Variants in LIMD1 observed in about 807,000 individuals in gnomAD.
LIMD1 encodes LIM domain-containing protein 1.
LIMD1 carries 23 observed loss-of-function variants against 58.4 expected under a neutral mutation model. The ratio of observed to expected loss-of-function variants is 0.39; its 90% CI spans 0.28 to 0.56. LIMD1 has a LOEUF of 0.56. LIMD1 is among the 20% of genes least tolerant of loss of function. The probability of loss-of-function intolerance (pLI) is 0.57; values close to 1 mark genes in which losing one functional copy is unlikely to be tolerated. For missense variants in LIMD1, 838 were observed against 855.5 expected (o/e 0.98, Z 0.25); for synonymous variants, 334 against 345.5 (o/e 0.97, Z 0.37).
chr3:45,627,842 T>C (rs1361520859), intron 1 of LIMD1, among the ~76,000 whole-genome samples: 3 of 151,408 alleles, frequency 2.0e-5, no homozygotes, highest in Non-Finnish European at 4.4e-5. Context: ...ACACCATCTC[T>C]ACTGAAAATA....
At chr3:45,605,943 T>C (rs1701464160) in intron 1 of LIMD1, among the ~76,000 whole-genome samples, 1 of 152,154 alleles carries the variant, frequency 6.6e-6, no homozygotes, top group African/African-American at 2.4e-5. Flanking sequence ...CCCTTCTTTG[T>C]CCCAGTGCCC....
chr3:45,648,084 C>G (rs982475443), intron 2 of LIMD1, among the ~76,000 whole-genome samples: 5 of 85,886 alleles, frequency 5.8e-5, no homozygotes, highest in Admixed American at 5.6e-4. Context: ...TCTATCTCCC[C>G]CTAGGTGATC....
chr3:45,595,554 T>G lies in LIMD1; in HGVS notation c.675T>G (p.His225Gln). 1 of 1,613,862 alleles carries G rather than the reference T, an allele frequency of 6.2e-7. No homozygotes were observed. The highest frequency in any genetic ancestry group is 8.5e-7 in the Non-Finnish European group (1 of 1,179,986). Residue 225 changes from histidine to glutamine, a missense_variant, in exon 1 of 8, where the codon CAT (histidine) becomes CAG (glutamine). Transcript: ENST00000273317. The part of the protein sequence containing the change: ...DPPLPKPCGD[H>Q]PLNHRQLSLS... ...CACTGCCCAAACCCTGCGGGGACCA[T>G]CCCCTAAATCACCGACAGCTCTCCC...
chr3:45,647,900 TA>T (rs145746518), intron 2 of LIMD1, among the ~76,000 whole-genome samples: 4,708 of 152,244 alleles, frequency 0.031, 221 homozygotes, highest in African/African-American at 0.11. Flanking sequence ...TCTACCCCTG[TA>T]CCTTGTCACC....
chr3:45,594,778 AACACACACACACACACACACACACAC>A lies in LIMD1; in HGVS notation c.-61_-36del, dbSNP rs57091993. On this transcript the variant is annotated 5_prime_UTR_variant, in exon 1 of 8. Coordinates refer to ENST00000273317, the MANE Select transcript of LIMD1 (RefSeq NM_014240.3). ...TCGCCAGCATCTCCCCGCTGCCCTC[AACACACACACACACACACACACACAC>A]ACACACACACACACACACACACACA... 0.095 allele frequency: 69,136 copies of A among 724,620 alleles called. 1,704 individuals are homozygous for A. The highest frequency in any genetic ancestry group is 0.13 in the East Asian group (4,746 of 35,372). 44.9% of individuals were successfully genotyped at this position (724,620 alleles called of 1,614,324 possible).
chr3:45,660,656 T>C (rs1394399686), intron 2 of LIMD1, among the ~76,000 whole-genome samples: 1 of 152,052 alleles, frequency 6.6e-6, no homozygotes, highest in Non-Finnish European at 1.5e-5. Flanking sequence ...TCTCAAGTGG[T>C]CCAACAGCCT....
At chr3:45,656,524 T>C (rs1035347374) in intron 2 of LIMD1, among the ~76,000 whole-genome samples, 1 of 151,610 alleles carries the variant, frequency 6.6e-6, no homozygotes, top group South Asian at 2.1e-4. Flanking sequence ...TCTTTTTCTT[T>C]CTTTTTTTTT....
Position 45,623,985 on chromosome 3 carries a change from G to C in LIMD1, c.1409-12165G>C, listed in dbSNP as rs139791621. The stretch of plus-strand genomic sequence containing the variant: ...CCTGGAGATCTTTTGTGAGCTTTTA[G>C]AGTGGCTGGGGGAAGACTGTTGCTG... On this transcript the variant is annotated intron_variant, in intron 1 of 7. Coordinates refer to ENST00000273317, the MANE Select transcript of LIMD1 (RefSeq NM_014240.3). 3.3e-5 allele frequency among the ~76,000 whole-genome samples: 5 copies of C among 152,318 alleles called. No individual in the cohort carries two copies. The East Asian group carries it at 9.6e-4, about 29-fold the overall frequency.
chr3:45,645,949 G>A lies in LIMD1; in HGVS notation c.1510+9698G>A, dbSNP rs147937532. Among the ~76,000 whole-genome samples the A allele has an allele frequency of 5.8e-3, 871 of 151,472 alleles. 7 individuals are homozygous for A. Among genetic ancestry groups the A allele is most frequent in the African/African-American group, 0.02 (817 of 41,202 alleles). On this transcript the variant is annotated intron_variant, in intron 2 of 7. Transcript: ENST00000273317. ...AGTGTAATACAAGCTGCTGTCTGTG[G>A]AGCATTTATTGCATTTATTGCAGTG...
At chr3:45,655,830 G>C (rs1369029171) in intron 2 of LIMD1, among the ~76,000 whole-genome samples, 2 of 152,208 alleles carry the variant, frequency 1.3e-5, no homozygotes, top group African/African-American at 4.8e-5. Context: ...GCCATAACAA[G>C]TCAGTGAGGA....
At position 45,674,359 on chromosome 3, in the gene LIMD1, T is replaced by C; in HGVS notation, c.1841T>C (p.Ile614Thr). Residue 614 changes from isoleucine (I) to threonine (T), a missense_variant, in exon 7 of 8, where the codon ATC becomes ACC. Physicochemically the swap from Ile to Thr is moderately conservative, Grantham distance 89. This residue lies in a region of LIMD1 where 174 missense variants were observed against 197.4 expected (regional missense o/e 0.88). Transcript: ENST00000273317. ...TGGTCCCAGGGCTCAGATGAGACCA[T>C]CCGTGTCGTGTCCATGGACAGAGAC... The part of the protein sequence containing the change: ...ILPPEGSDET[I>T]RVVSMDRDYH... The C allele has an allele frequency of 3.7e-6, 6 of 1,613,812 alleles. No homozygotes were observed. The highest frequency in any genetic ancestry group is 5.1e-6 in the Non-Finnish European group (6 of 1,179,864).
chr3:45,678,642 T>C lies in LIMD1; in HGVS notation c.*1583T>C, dbSNP rs1697701887. 3 of 152,388 alleles carry C rather than the reference T, an allele frequency of 2.0e-5. No individual in the cohort carries two copies. The South Asian group carries it at 6.2e-4, about 32-fold the overall frequency. 9.4% of individuals were successfully genotyped at this position (152,388 alleles called of 1,614,324 possible). A position where few individuals can be genotyped will look rare whatever the true frequency, so the allele number is the denominator to read the frequency against. Reference sequence around the variant, plus strand: ...GGCCGGGGACACAGGAGCCGGTGTGTGCACTCTGCCTCCTCACCTTGCACC... The same window carrying C: ...GGCCGGGGACACAGGAGCCGGTGTGCGCACTCTGCCTCCTCACCTTGCACC... On this transcript the variant is annotated 3_prime_UTR_variant, in exon 8 of 8. Coordinates refer to ENST00000273317, the MANE Select transcript of LIMD1 (RefSeq NM_014240.3).
chr3:45,670,133 T>C (rs1295359479), intron 4 of LIMD1, among the ~76,000 whole-genome samples: 2 of 152,214 alleles, frequency 1.3e-5, no homozygotes, highest in Non-Finnish European at 2.9e-5. Context: ...TGCTTACCTC[T>C]CCTTCCCAGG....
intron 2 of LIMD1, among the ~76,000 whole-genome samples, chr3:45,652,836 C>T (rs1340094157): frequency 6.6e-6 from 1 of 152,208 alleles, no homozygotes; most frequent in Non-Finnish European, 1.5e-5. Flanking sequence ...TGGGTTGTCT[C>T]TGTGTGCAGT....
At chr3:45,665,336 T>C (rs1389133122) in intron 2 of LIMD1, among the ~76,000 whole-genome samples, 3 of 152,000 alleles carry the variant, frequency 2.0e-5, no homozygotes, top group Non-Finnish European at 4.4e-5. Flanking sequence ...TCTGCTGTCC[T>C]GCCACCAAAT....
intron 1 of LIMD1, among the ~76,000 whole-genome samples, chr3:45,613,686 TG>T (rs1248038549): frequency 6.6e-6 from 1 of 151,862 alleles, no homozygotes; most frequent in Non-Finnish European, 1.5e-5. Flanking sequence ...TTTGTAAATA[TG>T]GGATCTCGCT....
intron 2 of LIMD1, among the ~76,000 whole-genome samples, chr3:45,655,200 A>C (rs1162465866): frequency 6.6e-6 from 1 of 152,192 alleles, no homozygotes; most frequent in Admixed American, 6.5e-5. Context: ...GATTATAGGC[A>C]TGAGACACCA....
Position 45,594,795 on chromosome 3 carries a change from A to ACACACACACACACACACAC in LIMD1, c.-84_-66dup, listed in dbSNP as rs1701315540. 30 of 113,284 alleles carry ACACACACACACACACACAC rather than the reference A, an allele frequency of 2.6e-4. No individual in the cohort carries two copies. In the East Asian group the frequency reaches 3.3e-3, roughly 12 times the overall value. 7.0% of individuals were successfully genotyped at this position (113,284 alleles called of 1,614,324 possible). On this transcript the variant is annotated 5_prime_UTR_variant, in exon 1 of 8. Transcript: ENST00000273317. Reference sequence around the variant, plus strand: ...CTGCCCTCAACACACACACACACACACACACACACACACACACACACACAC... The same window carrying ACACACACACACACACACAC: ...CTGCCCTCAACACACACACACACACACACACACACACACACACACCACACACACACACACACACACACAC...
In LIMD1 at chr3:45,678,314, A is replaced by G. The variant is rs1697697428; in HGVS notation, c.*1255A>G. ...CAGATACCTTCTTCAGTGTGTTGGA[A>G]ATCACTGGCTTCACACAGGCCCAAC... On this transcript the variant is annotated 3_prime_UTR_variant, in exon 8 of 8. Coordinates refer to ENST00000273317, the MANE Select transcript of LIMD1 (RefSeq NM_014240.3). 6.6e-6 allele frequency: 1 copy of G among 152,642 alleles called. No individual in the cohort carries two copies. Among genetic ancestry groups the G allele is most frequent in the Admixed American group, 6.5e-5 (1 of 15,282 alleles). 9.5% of individuals were successfully genotyped at this position (152,642 alleles called of 1,614,324 possible).
Sources: allele counts gnomAD v4.1 joint callset (sites outside exome capture counted in the v4.1 genomes callset), GRCh38; gene constraint gnomAD v4.1.1; regional missense constraint gnomAD v4.1.1; transcripts MANE v1.5; gene names NCBI Gene and HGNC (gene_info 2026-07-23, HGNC 2026-07-21).